The following ODF2L variants were observed in gnomAD, a reference collection of about 807,000 sequenced individuals.
ODF2L encodes protein BCAP.
Under a neutral mutation model 86.3 loss-of-function variants are expected in ODF2L, and 76 were observed. The observed-to-expected ratio is 0.88, with a 90% CI of 0.73 to 1.07. ODF2L has a LOEUF of 1.07. Among genes scored for constraint, ODF2L ranks in the 50% least tolerant of loss-of-function variants. ODF2L has a pLI of 0.00. For missense variants in ODF2L, 748 were observed against 717.4 expected, an observed-to-expected ratio of 1.04 and a Z score of -0.49; for synonymous variants, 241 against 231.3, an observed-to-expected ratio of 1.04 and a Z score of -0.38.
At chr1:86,370,418 C>T (rs917513212) in intron 10 of ODF2L, among the ~76,000 whole-genome samples, 22 of 152,080 alleles carry the variant, frequency 1.4e-4, no homozygotes, top group African/African-American at 5.1e-4. Flanking sequence ...TGCACATAAA[C>T]TTTATTTCAT....
intron 11 of ODF2L, among the ~76,000 whole-genome samples, chr1:86,364,544 A>C (rs1467539665): frequency 6.6e-6 from 1 of 152,232 alleles, no homozygotes; most frequent in Non-Finnish European, 1.5e-5. Flanking sequence ...AATAACTAGA[A>C]GACTACATTC....
chr1:86,376,246 TG>T lies in ODF2L; in HGVS notation c.796del (p.Gln266LysfsTer27), dbSNP rs766015570. 1 of 1,605,554 alleles carries T rather than the reference TG, an allele frequency of 6.2e-7. No homozygotes were observed. Among genetic ancestry groups the T allele is most frequent in the Non-Finnish European group, 8.5e-7 (1 of 1,174,130 alleles). ...GCATTTACATACCTGATCTCTAATT[TG>T]GGAAGTAAGCTTTTCAATAGCTCCT... On this transcript the variant is annotated frameshift_variant, in exon 8 of 18. Transcript: ENST00000317336. LOFTEE classifies it high-confidence loss of function.
chr1:86,387,103 T>C lies in ODF2L; in HGVS notation c.-59-17A>G, dbSNP rs915755748. ...AGCTGAAAGCTAGGAAATATTTTAG[T>C]TATTAAATTTATTTCAATAGAGTTT... On this transcript the variant is annotated splice_polypyrimidine_tract_variant and intron_variant, in intron 1 of 17. Coordinates refer to ENST00000317336, the Ensembl canonical transcript of ODF2L. 2.5e-5 allele frequency: 16 copies of C among 637,266 alleles called. 1 individual carries two copies. In the African/African-American group the frequency reaches 2.9e-4, roughly 12 times the overall value. The allele number at this position is 637,266 out of a possible 1,614,324, so 39.5% of individuals were successfully genotyped here.
At chr1:86,352,890 T>G (rs1658247486) in exon 17 of ODF2L, 11 of 1,545,526 alleles carry the variant, frequency 7.1e-6, no homozygotes, top group Non-Finnish European at 8.9e-6. Flanking sequence ...TTGATTTTGT[T>G]CTTCATTTTT....
chr1:86,364,961 C>T (rs1467237093), intron 11 of ODF2L, among the ~76,000 whole-genome samples: 2 of 152,146 alleles, frequency 1.3e-5, no homozygotes, highest in East Asian at 3.8e-4. Flanking sequence ...TTCCCTAGTG[C>T]TGCTAGTGTA....
exon 2 of ODF2L, chr1:86,386,965 T>C (rs780629034): frequency 4.4e-6 from 7 of 1,598,130 alleles, no homozygotes; most frequent in African/African-American, 2.7e-5. Flanking sequence ...CTTTCTCTGA[T>C]ATAGTTTTAA....
chr1:86,393,022 G>A (rs180735731), intron 1 of ODF2L, among the ~76,000 whole-genome samples: 1 of 152,264 alleles, frequency 6.6e-6, no homozygotes, highest in Admixed American at 6.5e-5. Context: ...GTGGCCAACA[G>A]CAAGCATTTG....
intron 7 of ODF2L, among the ~76,000 whole-genome samples, chr1:86,379,502 AC>A (rs1431013867): frequency 2.6e-5 from 4 of 152,162 alleles, no homozygotes; most frequent in Non-Finnish European, 5.9e-5. Flanking sequence ...GTTTAAAAAA[AC>A]ATAATTGAGC....
intron 1 of ODF2L, among the ~76,000 whole-genome samples, chr1:86,393,490 G>A (rs1661475837): frequency 6.6e-6 from 1 of 152,070 alleles, no homozygotes; most frequent in African/African-American, 2.4e-5. Context: ...GATACAGAGA[G>A]ATTAGATTAG....
In ODF2L at chr1:86,353,640, C is replaced by T. The variant is rs1031698187; in HGVS notation, c.1768-656G>A. On this transcript the variant is annotated intron_variant, in intron 16 of 17. Coordinates refer to ENST00000317336, the Ensembl canonical transcript of ODF2L. The stretch of plus-strand genomic sequence containing the variant: ...GTAGAGGCAGGGACTGATCCAGGAA[C>T]AAGGAGCTAGTGGAAAGGACTGTCC... Among the ~76,000 whole-genome samples the T allele has an allele frequency of 2.6e-5, 4 of 152,234 alleles. No homozygotes were observed. The East Asian group carries it at 7.7e-4, about 29-fold the overall frequency.
At chr1:86,386,160 A>T (rs1442988643) in intron 2 of ODF2L, 1 of 152,304 alleles carries the variant, frequency 6.6e-6, no homozygotes, top group Non-Finnish European at 1.5e-5. Context: ...AATGGTATAT[A>T]CTAAGATTGC....
intron 8 of ODF2L, among the ~76,000 whole-genome samples, chr1:86,375,849 C>G (rs555023251): frequency 4.3e-4 from 66 of 152,300 alleles, no homozygotes; most frequent in African/African-American, 1.5e-3. Context: ...GTTCAATACC[C>G]TTCATTCCAC....
At chr1:86,358,378 T>G (rs1280635225) in intron 13 of ODF2L, 1 of 152,716 alleles carries the variant, frequency 6.5e-6, no homozygotes, top group African/African-American at 2.4e-5. Flanking sequence ...AAAGATATTA[T>G]TTTTCTTCAA....
Position 86,371,135 on chromosome 1 carries a change from CA to C in ODF2L, c.938del (p.Leu313TrpfsTer4). 6.6e-7 allele frequency: 1 copy of C among 1,510,670 alleles called. No individual in the cohort carries two copies. The highest frequency in any genetic ancestry group is 9.0e-7 in the Non-Finnish European group (1 of 1,113,914). 93.6% of individuals were successfully genotyped at this position (1,510,670 alleles called of 1,614,324 possible). On this transcript the variant is annotated frameshift_variant, in exon 10 of 18. Transcript: ENST00000317336. LOFTEE classifies it high-confidence loss of function. ...GGTCTTCCATTTTCTTCAGATCTTC[CA>C]AAAGATTAATGATTTGCCTTTATAA...
chr1:86,368,230 ACT>A (rs1659575609), intron 11 of ODF2L, among the ~76,000 whole-genome samples: 1 of 151,864 alleles, frequency 6.6e-6, no homozygotes, highest in South Asian at 2.1e-4. Flanking sequence ...AAAAACCTTA[ACT>A]CTTTTAGCTT....
chr1:86,392,055 A>C (rs562708904), intron 1 of ODF2L, among the ~76,000 whole-genome samples: 4 of 152,366 alleles, frequency 2.6e-5, no homozygotes, highest in Non-Finnish European at 4.4e-5. Flanking sequence ...TTCTCAAATG[A>C]ATATATACAA....
chr1:86,382,056 A>T, intron 7 of ODF2L, 186 bp downstream of exon 7: 1 of 715,360 alleles, frequency 1.4e-6, no homozygotes, highest in Non-Finnish European at 1.9e-6. Context: ...CAGCATTTTT[A>T]TGTTGAAATT....
intron 6 of ODF2L, 41 bp from the exon 7 acceptor site, chr1:86,382,399 AT>A: frequency 6.2e-7 from 1 of 1,604,540 alleles, no homozygotes. Flanking sequence ...AATCCATATT[AT>A]TTGCTGTATC....
rs1661192564 is a variant in ODF2L, at chr1:86,389,842, G to A, written c.-59-2756C>T. Among the ~76,000 whole-genome samples, 3 of 152,218 alleles carry A rather than the reference G, an allele frequency of 2.0e-5. No homozygotes were observed. The South Asian group carries it at 6.2e-4, about 32-fold the overall frequency. ...CCTCCTAGCTTAAATCAGGAAGAATGAGAAACCCTGAACAGACCAATAACA... is the reference window on the plus strand; with the variant it reads ...CCTCCTAGCTTAAATCAGGAAGAATAAGAAACCCTGAACAGACCAATAACA... On this transcript the variant is annotated intron_variant, in intron 1 of 17. Transcript: ENST00000317336.
Sources: gnomAD v4.1 joint callset for allele counts (sites outside exome capture counted in the v4.1 genomes callset) on GRCh38, gnomAD v4.1.1 for gene constraint, MANE v1.5 for transcripts, NCBI Gene and HGNC (gene_info 2026-07-23, HGNC 2026-07-21) for gene names.